The following SART1 variants were observed in gnomAD, a reference collection of about 807,000 sequenced individuals.
The protein encoded by SART1 is spliceosome associated factor 1, recruiter of U4/U6.U5 tri-snRNP, also known as U4/U6.U5 tri-snRNP-associated protein 1.
A neutral mutation model predicts 105.0 loss-of-function variants in SART1; 28 were observed. That is an observed-to-expected ratio of 0.27 (90% CI 0.20 to 0.37). SART1 has a LOEUF of 0.37. SART1 is among the 10% of genes least tolerant of loss of function. The probability of loss-of-function intolerance (pLI) is 1.00; values close to 1 mark genes in which losing one functional copy is unlikely to be tolerated. For synonymous variants in SART1, 472 were observed against 462.9 expected (o/e 1.02, Z -0.25); for missense variants, 894 against 1,106.5 (o/e 0.81, Z 2.72).
intron 12 of SART1, among the ~76,000 whole-genome samples, chr11:65,971,748 G>A (rs1855383881): frequency 6.6e-6 from 1 of 152,038 alleles, no homozygotes; most frequent in South Asian, 2.1e-4. Flanking sequence ...ACAAAGGAGA[G>A]GTTCTGTTGA....
intron 12 of SART1, among the ~76,000 whole-genome samples, chr11:65,969,001 G>A (rs562896901): frequency 6.6e-6 from 1 of 152,306 alleles, no homozygotes; most frequent in African/African-American, 2.4e-5. Context: ...AAGAAGCCAA[G>A]AAAGCGTGTC....
Position 65,965,379 on chromosome 11 carries a change from G to A in SART1, c.592G>A (p.Asp198Asn). Residue 198 changes from aspartate (D) to asparagine (N), a missense_variant, in exon 5 of 20, where the codon GAC becomes AAC. Asp to Asn is a conservative substitution (Grantham distance 23). Coordinates refer to ENST00000312397, the MANE Select transcript of SART1 (RefSeq NM_005146.5). ...CCTAGGAGAGGATGACCCCTGGCTG[G>A]ACGACACTGCAGCCTGGATCGAGAG... Reference protein sequence around the residue: ...KTLGEDDPWLDDTAAWIERSR... With the variant: ...KTLGEDDPWLNDTAAWIERSR... The A allele has an allele frequency of 6.3e-7, 1 of 1,586,584 alleles. No individual in the cohort carries two copies. The highest frequency in any genetic ancestry group is 8.6e-7 in the Non-Finnish European group (1 of 1,166,500).
At chr11:65,974,764 G>A (rs868366094) in intron 12 of SART1, among the ~76,000 whole-genome samples, 1 of 152,100 alleles carries the variant, frequency 6.6e-6, no homozygotes, top group Non-Finnish European at 1.5e-5. Flanking sequence ...GGCCAGGCGC[G>A]GTGGCTCACG....
At chr11:65,968,882 G>A (rs561269813) in intron 12 of SART1, among the ~76,000 whole-genome samples, 26 of 152,320 alleles carry the variant, frequency 1.7e-4, no homozygotes, top group Admixed American at 1.5e-3. Flanking sequence ...CATGTTCTGT[G>A]TTTGTTGATT....
At position 65,976,822 on chromosome 11, in the gene SART1, G is replaced by T; in HGVS notation, c.1857+56G>T. The T allele has an allele frequency of 7.0e-7, 1 of 1,438,272 alleles. No homozygotes were observed. Among genetic ancestry groups the T allele is most frequent in the Non-Finnish European group, 9.6e-7 (1 of 1,046,486 alleles). The allele number at this position is 1,438,272 out of a possible 1,614,324, so 89.1% of individuals were successfully genotyped here. A position where few individuals can be genotyped will look rare whatever the true frequency, so the allele number is the denominator to read the frequency against. On this transcript the variant is annotated intron_variant, in intron 14 of 19. Coordinates refer to ENST00000312397, the MANE Select transcript of SART1 (RefSeq NM_005146.5). The surrounding 1 kb of genome is among the most constrained non-coding windows in gnomAD (Gnocchi z 5.1). ...TTGGGGGTGCTCAAGCTGGAGATGAGCACCGGGCTCGGTGTCCAGAGCCTC... is the reference window on the plus strand; with the variant it reads ...TTGGGGGTGCTCAAGCTGGAGATGATCACCGGGCTCGGTGTCCAGAGCCTC...
Position 65,967,522 on chromosome 11 carries a change from G to A in SART1, c.1365G>A (p.Glu455=). 5.0e-6 allele frequency: 8 copies of A among 1,613,076 alleles called. No individual in the cohort carries two copies. Among genetic ancestry groups the A allele is most frequent in the South Asian group, 2.2e-5 (2 of 91,070 alleles). Residue 455 remains glutamate, a synonymous_variant, in exon 11 of 20, where the codon GAG becomes GAA. Coordinates refer to ENST00000312397, the MANE Select transcript of SART1 (RefSeq NM_005146.5). ...RRVSEVEEEK[E]PVPQPLPSDD... is the part of the protein sequence containing the mutation. Reference sequence around the variant, plus strand: ...TGTCCGAAGTGGAGGAGGAGAAGGAGCCTGTGCCTCAGCCCCTGCCGTCGG... The same window carrying A: ...TGTCCGAAGTGGAGGAGGAGAAGGAACCTGTGCCTCAGCCCCTGCCGTCGG...
intron 3 of SART1, 181 bp from the exon 4 acceptor site, chr11:65,964,911 T>C (rs1319393452): frequency 4.0e-6 from 3 of 757,070 alleles, no homozygotes; most frequent in Non-Finnish European, 6.0e-6. Flanking sequence ...GAGGGTCCTG[T>C]TGTGCTGCAT....
At chr11:65,969,021 GA>G (rs1232792115) in intron 12 of SART1, among the ~76,000 whole-genome samples, 1 of 152,164 alleles carries the variant, frequency 6.6e-6, no homozygotes, top group Non-Finnish European at 1.5e-5. Flanking sequence ...CCAGGAGAGG[GA>G]GCAAGGGAGG....
In SART1 at chr11:65,977,596, G is replaced by A; in HGVS notation, c.1979G>A (p.Arg660Gln). The change falls in exon 16 of 20, where the codon CGG (arginine) becomes CAG (glutamine). Residue 660 changes from arginine to glutamine, a missense_variant. Physicochemically the swap from Arg to Gln is conservative, Grantham distance 43. Around this residue, in one of 2 missense-constraint regions of SART1, gnomAD observed 182 missense variants for 328.3 expected, o/e 0.55. Coordinates refer to ENST00000312397, the MANE Select transcript of SART1 (RefSeq NM_005146.5). ...LLETTVQKVA[R>Q]VKAPNKSLPS... is the part of the protein sequence containing the mutation. ...GAGACCACAGTGCAGAAGGTGGCCCGGGTGAAGGCCCCCAACAAGTCGCTG... is the reference window on the plus strand; with the variant it reads ...GAGACCACAGTGCAGAAGGTGGCCCAGGTGAAGGCCCCCAACAAGTCGCTG... 6.2e-7 allele frequency: 1 copy of A among 1,613,970 alleles called. No individual in the cohort carries two copies. The highest frequency in any genetic ancestry group is 8.5e-7 in the Non-Finnish European group (1 of 1,179,988).
chr11:65,976,966 A>T lies in SART1; in HGVS notation c.1858-48A>T. 1 of 1,479,838 alleles carries T rather than the reference A, an allele frequency of 6.8e-7. No individual in the cohort carries two copies. The highest frequency in any genetic ancestry group is 9.4e-7 in the Non-Finnish European group (1 of 1,058,456). The allele number at this position is 1,479,838 out of a possible 1,614,324, so 91.7% of individuals were successfully genotyped here. On this transcript the variant is annotated intron_variant, in intron 14 of 19. Coordinates refer to ENST00000312397, the MANE Select transcript of SART1 (RefSeq NM_005146.5). The surrounding 1 kb of genome is among the most constrained non-coding windows in gnomAD (Gnocchi z 5.1). Reference sequence around the variant, plus strand: ...AGGTGGTGACCAGTGGGTGGGGCTGAGAAGAGCCGGTATGGCCTGCTAACC... The same window carrying T: ...AGGTGGTGACCAGTGGGTGGGGCTGTGAAGAGCCGGTATGGCCTGCTAACC...
intron 12 of SART1, among the ~76,000 whole-genome samples, chr11:65,968,574 G>A (rs951337743): frequency 1.3e-5 from 2 of 152,198 alleles, no homozygotes; most frequent in African/African-American, 4.8e-5. Flanking sequence ...ATGGGAGAGT[G>A]CAGGGAAGAC....
intron 1 of SART1, among the ~76,000 whole-genome samples, chr11:65,963,246 C>T (rs1855181786): frequency 1.3e-5 from 2 of 152,050 alleles, no homozygotes; most frequent in South Asian, 4.2e-4. Context: ...GTCATGGGAA[C>T]TTTGGGAAGA....
At chr11:65,967,949 G>GTT (rs35216160) in intron 12 of SART1, 128 bp downstream of exon 12, 178 of 422,050 alleles carry the variant, frequency 4.2e-4, no homozygotes, top group South Asian at 6.8e-4. Flanking sequence ...TTCTGGGTTT[G>GTT]TTTTTTTTTT....
At chr11:65,962,459 A>AT (rs1167546204) in intron 1 of SART1, among the ~76,000 whole-genome samples, 1 of 152,236 alleles carries the variant, frequency 6.6e-6, no homozygotes, top group Non-Finnish European at 1.5e-5. Flanking sequence ...AATATGTTGA[A>AT]TGAGTGAATG....
In SART1 at chr11:65,965,190, G is replaced by C. The variant is rs1855223309; in HGVS notation, c.526G>C (p.Glu176Gln). The C allele has an allele frequency of 6.2e-7, 1 of 1,607,794 alleles. No individual in the cohort carries two copies. Among genetic ancestry groups the C allele is most frequent in the Non-Finnish European group, 8.5e-7 (1 of 1,178,634 alleles). ...GCGGGAGAAGCTGGCGGCTGCCAAG[G>C]AGAAGCGCCTGCTGAACCAAAAGCT... is the stretch of plus-strand genomic sequence containing the variant. The part of the protein sequence containing the change: ...ELREKLAAAK[E>Q]KRLLNQKLGK... The change falls in exon 4 of 20, where the codon GAG becomes CAG. Residue 176 changes from glutamate to glutamine, a missense_variant. This residue lies in a region of SART1 where 712 missense variants were observed against 778.2 expected (regional missense o/e 0.91). Transcript: ENST00000312397.
rs139095381 is a variant in SART1 at position 65,976,425 on chromosome 11, C to T, written c.1603C>T (p.Arg535Cys). The change falls in exon 13 of 20, where the codon CGC becomes TGC. Residue 535 changes from arginine to cysteine, a missense_variant. Around this residue, in one of 2 missense-constraint regions of SART1, gnomAD observed 712 missense variants for 778.2 expected, o/e 0.91. Transcript: ENST00000312397. The surrounding 1 kb of genome is among the most constrained non-coding windows in gnomAD (Gnocchi z 5.1). Reference sequence around the variant, plus strand: ...GGAGATTGTGAAGAAGCTGGAGTCTCGCCAGCGGGGCTGGGAGGAGGATGA... The same window carrying T: ...GGAGATTGTGAAGAAGCTGGAGTCTTGCCAGCGGGGCTGGGAGGAGGATGA... ...VVEIVKKLESRQRGWEEDEDP... is the reference protein window; with the variant it reads ...VVEIVKKLESCQRGWEEDEDP... 7.0e-5 allele frequency: 110 copies of T among 1,560,760 alleles called. No individual in the cohort carries two copies. In the African/African-American group the frequency reaches 1.3e-3, roughly 19 times the overall value.
chr11:65,977,195 T>G (rs1299137594), intron 15 of SART1, 94 bp downstream of exon 15: 1 of 889,280 alleles, frequency 1.1e-6, no homozygotes, highest in East Asian at 2.5e-5. Context: ...TGCCCCTTTC[T>G]CTCAGTCCCA....
chr11:65,967,685 G>A lies in SART1; in HGVS notation c.1436G>A (p.Gly479Asp), dbSNP rs1855288642. The A allele has an allele frequency of 6.4e-7, 1 of 1,572,654 alleles. No homozygotes were observed. The highest frequency in any genetic ancestry group is 1.3e-5 in the African/African-American group (1 of 74,586). ...ENMDISDEEE[G>D]GAPPPGSPQV... ...TCCCCTGTGTTTCCCCCAGAGGAAG[G>A]TGGAGCTCCACCGCCGGGGTCCCCG... The change falls in exon 12 of 20, where the codon GGT becomes GAT. Residue 479 changes from glycine (G) to aspartate (D), a missense_variant. Coordinates refer to ENST00000312397, the MANE Select transcript of SART1 (RefSeq NM_005146.5).
chr11:65,961,924 C>T lies in SART1; in HGVS notation c.144C>T (p.Ser48=). The change falls in exon 1 of 20, where the codon AGC becomes AGT. Residue 48 remains serine, a synonymous_variant. Coordinates refer to ENST00000312397, the MANE Select transcript of SART1 (RefSeq NM_005146.5). ...HKHRSGGSGG[S]GGERRKRSRE... ...ACCGGAGTGGCGGCAGTGGCGGTAG[C>T]GGTGGCGAACGACGGAAGCGGAGCC... The T allele has an allele frequency of 6.5e-7, 1 of 1,529,632 alleles. No individual in the cohort carries two copies. The highest frequency in any genetic ancestry group is 1.2e-5 in the South Asian group (1 of 83,578). The allele number at this position is 1,529,632 out of a possible 1,614,324, so 94.8% of individuals were successfully genotyped here.
Sources: allele counts gnomAD v4.1 joint callset (sites outside exome capture counted in the v4.1 genomes callset), GRCh38; gene constraint gnomAD v4.1.1; regional missense constraint gnomAD v4.1.1; non-coding constraint Gnocchi (gnomAD v3.1); transcripts MANE v1.5; gene names NCBI Gene and HGNC (gene_info 2026-07-23, HGNC 2026-07-21).